HSD11B1: variants seen among roughly 807,000 people sequenced by gnomAD.
The protein encoded by HSD11B1 is hydroxysteroid 11-beta dehydrogenase 1.
HSD11B1 carries 15 observed loss-of-function variants against 22.1 expected under a neutral mutation model. The ratio of observed to expected loss-of-function variants is 0.68; its 90% CI spans 0.45 to 1.04. The LOEUF (loss-of-function observed/expected upper bound fraction) is 1.04, where lower values mean the gene tolerates loss of function less well. HSD11B1 is among the 50% of genes least tolerant of loss of function. The probability of loss-of-function intolerance (pLI) is 0.00; values close to 1 mark genes in which losing one functional copy is unlikely to be tolerated. For synonymous variants in HSD11B1, 122 were observed against 125.2 expected, an observed-to-expected ratio of 0.97 and a Z score of 0.17; for missense variants, 281 against 357.6, an observed-to-expected ratio of 0.79 and a Z score of 1.73.
chr1:209,719,365 A>G (rs1350955166), intron 4 of HSD11B1, among the ~76,000 whole-genome samples: 2 of 152,170 alleles, frequency 1.3e-5, no homozygotes, highest in African/African-American at 4.8e-5. Flanking sequence ...ACTTACGTGA[A>G]GTTCTTAGAG....
intron 4 of HSD11B1, among the ~76,000 whole-genome samples, chr1:209,717,776 A>G (rs1463238626): frequency 1.3e-5 from 2 of 151,234 alleles, no homozygotes; most frequent in Non-Finnish European, 2.9e-5. Context: ...GGAGGCTGAG[A>G]CAGGAGAATC....
At chr1:209,705,160 T>C (rs1329242399) in intron 1 of HSD11B1, 130 bp downstream of exon 1, 6 of 774,580 alleles carry the variant, frequency 7.7e-6, no homozygotes, top group East Asian at 2.6e-5. Context: ...TGAGTTAAGA[T>C]GGTATTTTTG....
intron 4 of HSD11B1, among the ~76,000 whole-genome samples, chr1:209,730,440 T>C (rs1311074037): frequency 6.6e-6 from 1 of 152,222 alleles, no homozygotes; most frequent in East Asian, 1.9e-4. Context: ...CCATCTAATT[T>C]ATTGGAAATC....
In HSD11B1 at chr1:209,734,571, T is replaced by C. The variant is rs780206466; in HGVS notation, c.*50T>C. On this transcript the variant is annotated 3_prime_UTR_variant, in exon 6 of 6. Transcript: ENST00000367027. ...TGAGGGATTTTGGGACTGTTCTGTC[T>C]CATGTTTATCTGAGCTCTTATCTAT... 6.9e-6 allele frequency: 9 copies of C among 1,308,508 alleles called. No homozygotes were observed. Among genetic ancestry groups the C allele is most frequent in the East Asian group, 2.3e-5 (1 of 43,512 alleles). 81.1% of individuals were successfully genotyped at this position (1,308,508 alleles called of 1,614,324 possible).
At chr1:209,713,260 T>C (rs1252941355) in intron 4 of HSD11B1, among the ~76,000 whole-genome samples, 4 of 152,236 alleles carry the variant, frequency 2.6e-5, no homozygotes, top group African/African-American at 9.6e-5. Context: ...TCTGTATCCA[T>C]AGCTGTATCT....
chr1:209,695,222 A>C lies in HSD11B1; in HGVS notation c.-49+8937A>C, dbSNP rs534946089. ...CCATGCAGAACTATGAGTCAATTAA[A>C]CTTCTTTTTTTATATAAATTACCCA... On this transcript the variant is annotated intron_variant, in intron 1 of 6. Transcript: ENST00000261465. Among the ~76,000 whole-genome samples, 25 of 152,280 alleles carry C rather than the reference A, an allele frequency of 1.6e-4. 2 individuals carry two copies. The South Asian group carries it at 4.6e-3, about 28-fold the overall frequency.
rs1477999439 is a variant in HSD11B1 at position 209,704,931 on chromosome 1, G to A, written c.-12G>A. 1 of 1,610,918 alleles carries A rather than the reference G, an allele frequency of 6.2e-7. No homozygotes were observed. Among genetic ancestry groups the A allele is most frequent in the Non-Finnish European group, 8.5e-7 (1 of 1,177,334 alleles). On this transcript the variant is annotated 5_prime_UTR_variant, in exon 1 of 6. Coordinates refer to ENST00000367027, the MANE Select transcript of HSD11B1 (RefSeq NM_005525.4). ...GTGTCCTACAGGAGTCTTCAGGCCA[G>A]CTCCCTGTCGGATGGCTTTTATGAA...
At chr1:209,717,433 T>C (rs2076936792) in intron 4 of HSD11B1, among the ~76,000 whole-genome samples, 1 of 152,180 alleles carries the variant, frequency 6.6e-6, no homozygotes, top group Non-Finnish European at 1.5e-5. Flanking sequence ...AAAAGGGAAC[T>C]CTTATATACT....
chr1:209,692,607 C>CGGGGGGGGGG (rs796545462), intron 1 of HSD11B1, among the ~76,000 whole-genome samples: 4 of 48,248 alleles, frequency 8.3e-5, no homozygotes, highest in East Asian at 4.6e-4. Flanking sequence ...ATTAAAATGG[C>CGGGGGGGGGG]GGGGGGGGGG....
chr1:209,725,431 A>G (rs560820225), intron 4 of HSD11B1, among the ~76,000 whole-genome samples: 2 of 152,138 alleles, frequency 1.3e-5, no homozygotes, highest in African/African-American at 4.8e-5. Flanking sequence ...TTTACAACCT[A>G]CCTCCTCCAG....
chr1:209,697,884 C>CTTTTTGTTTTTTTTTTTTTTTTT (rs2076800559), intron 1 of HSD11B1, among the ~76,000 whole-genome samples: 1 of 41,586 alleles, frequency 2.4e-5, no homozygotes, highest in Admixed American at 4.6e-4. Context: ...TTGTTTTTTC[C>CTTTTTGTTTTTTTTTTTTTTTTT]TTTTTTTTTT....
intron 4 of HSD11B1, among the ~76,000 whole-genome samples, chr1:209,717,598 C>T (rs1311944126): frequency 6.6e-6 from 1 of 152,070 alleles, no homozygotes; most frequent in Non-Finnish European, 1.5e-5. Context: ...GATCATGCCT[C>T]TAATCCCAGC....
chr1:209,697,891 T>TTTTC (rs2076801254), intron 1 of HSD11B1, among the ~76,000 whole-genome samples: 2 of 100,678 alleles, frequency 2.0e-5, no homozygotes, highest in African/African-American at 7.4e-5. Flanking sequence ...TTCCTTTTTT[T>TTTTC]TTTTTTTTTT....
At chr1:209,715,496 T>C (rs1008966870) in intron 4 of HSD11B1, among the ~76,000 whole-genome samples, 4 of 151,758 alleles carry the variant, frequency 2.6e-5, no homozygotes, top group Non-Finnish European at 5.9e-5. Flanking sequence ...AGGTACAAGA[T>C]AAGCCTGAAA....
At position 209,706,774 on chromosome 1, in the gene HSD11B1, C is replaced by T; in HGVS notation, c.285C>T (p.Asp95=). Residue 95 remains aspartate, a synonymous_variant, in exon 3 of 6, where the codon GAC becomes GAT. Transcript: ENST00000367027. The surrounding 1 kb of genome is among the most constrained non-coding windows in gnomAD (Gnocchi z 4.0). Reference sequence around the variant, plus strand: ...ACTACATTGCTGGCACCATGGAAGACATGACCTTCGCAGAGCAATTTGTTG... The same window carrying T: ...ACTACATTGCTGGCACCATGGAAGATATGACCTTCGCAGAGCAATTTGTTG... ...SAHYIAGTME[D]MTFAEQFVAQ... is the part of the protein sequence containing the mutation. 1.2e-6 allele frequency: 2 copies of T among 1,614,112 alleles called. No individual in the cohort carries two copies. Among genetic ancestry groups the T allele is most frequent in the Admixed American group, 1.7e-5 (1 of 60,022 alleles).
intron 1 of HSD11B1, among the ~76,000 whole-genome samples, chr1:209,693,858 T>C (rs2102355810): frequency 6.6e-6 from 1 of 152,264 alleles, no homozygotes; most frequent in African/African-American, 2.4e-5. Context: ...CTCACAGCAT[T>C]TCCACTTTAG....
chr1:209,729,462 T>C (rs1056621123), intron 4 of HSD11B1, among the ~76,000 whole-genome samples: 3 of 152,004 alleles, frequency 2.0e-5, no homozygotes, highest in Non-Finnish European at 2.9e-5. Context: ...GGCAGCTCCA[T>C]GGTCACCCAG....
intron 4 of HSD11B1, among the ~76,000 whole-genome samples, chr1:209,715,825 A>G (rs1169014691): frequency 2.0e-5 from 3 of 152,218 alleles, no homozygotes; most frequent in Non-Finnish European, 4.4e-5. Context: ...GGAAGCAACA[A>G]AGGATGCTAA....
chr1:209,734,628 A>T lies in HSD11B1; in HGVS notation c.*107A>T. On this transcript the variant is annotated 3_prime_UTR_variant, in exon 6 of 6. Transcript: ENST00000367027. Reference sequence around the variant, plus strand: ...ATCTTCCCAGAGTGTCCCCAGAGACATGCAAGTCATGGGTCACACCTGACA... The same window carrying T: ...ATCTTCCCAGAGTGTCCCCAGAGACTTGCAAGTCATGGGTCACACCTGACA... 1 of 863,424 alleles carries T rather than the reference A, an allele frequency of 1.2e-6. No homozygotes were observed. Among genetic ancestry groups the T allele is most frequent in the Non-Finnish European group, 1.9e-6 (1 of 518,152 alleles). The allele number at this position is 863,424 out of a possible 1,614,324, so 53.5% of individuals were successfully genotyped here. A position where few individuals can be genotyped will look rare whatever the true frequency, so the allele number is the denominator to read the frequency against.
Sources: gnomAD v4.1 joint callset for allele counts (sites outside exome capture counted in the v4.1 genomes callset) on GRCh38, gnomAD v4.1.1 for gene constraint, Gnocchi (gnomAD v3.1) non-coding constraint, MANE v1.5 for transcripts, NCBI Gene and HGNC (gene_info 2026-07-23, HGNC 2026-07-21) for gene names.